Variants in MACROD2 observed in about 807,000 individuals in gnomAD.
MACROD2 encodes mono-ADP ribosylhydrolase 2, also known as ADP-ribose glycohydrolase MACROD2.
Under a neutral mutation model 70.4 loss-of-function variants are expected in MACROD2, and 36 were observed. The ratio of observed to expected loss-of-function variants is 0.51; its 90% CI spans 0.39 to 0.68. The LOEUF (loss-of-function observed/expected upper bound fraction) is 0.68. MACROD2 is among the 30% of genes least tolerant of loss of function. The pLI is 0.00. For missense variants in MACROD2, 496 were observed against 538.4 expected (o/e 0.92, Z 0.78); for synonymous variants, 172 against 178.8 (o/e 0.96, Z 0.30).
At chr20:15,451,089 C>CA (rs1240898602) in intron 7 of MACROD2, among the ~76,000 whole-genome samples, 1 of 152,000 alleles carries the variant, frequency 6.6e-6, no homozygotes, top group Non-Finnish European at 1.5e-5. Context: ...AGTTATTTTG[C>CA]AATAGCTATC....
chr20:14,582,335 G>A (rs568415535), intron 4 of MACROD2, among the ~76,000 whole-genome samples: 3 of 152,030 alleles, frequency 2.0e-5, no homozygotes, highest in Admixed American at 1.3e-4. Flanking sequence ...CTCGAATGCT[G>A]GAAAAGAGCC....
chr20:15,834,687 C>T (rs1052951943), intron 8 of MACROD2, among the ~76,000 whole-genome samples: 2 of 152,162 alleles, frequency 1.3e-5, no homozygotes, highest in Non-Finnish European at 2.9e-5. Flanking sequence ...TGAAGGTTGG[C>T]ACATATTAGA....
chr20:15,321,046 T>C (rs2077869058), intron 6 of MACROD2, among the ~76,000 whole-genome samples: 1 of 152,218 alleles, frequency 6.6e-6, no homozygotes, highest in African/African-American at 2.4e-5. Flanking sequence ...CTCTCTTCTT[T>C]GTGGGTAAGT....
intron 5 of MACROD2, among the ~76,000 whole-genome samples, chr20:14,720,362 A>G (rs567510453): frequency 3.3e-5 from 5 of 152,216 alleles, no homozygotes; most frequent in African/African-American, 1.2e-4. Context: ...TCCCTGACGT[A>G]GTTGGTTTGG....
intron 2 of MACROD2, among the ~76,000 whole-genome samples, chr20:14,022,168 G>T (rs1242758345): frequency 6.6e-6 from 1 of 152,188 alleles, no homozygotes; most frequent in Non-Finnish European, 1.5e-5. Flanking sequence ...GAGCTTCCAT[G>T]TTCTGTTGAA....
intron 8 of MACROD2, among the ~76,000 whole-genome samples, chr20:15,799,871 T>G (rs1047398715): frequency 5.3e-5 from 8 of 152,246 alleles, no homozygotes; most frequent in African/African-American, 1.9e-4. Flanking sequence ...ATGGCTATAC[T>G]AATTTATATT....
At chr20:15,142,140 A>G (rs1365653440) in intron 5 of MACROD2, among the ~76,000 whole-genome samples, 3 of 152,246 alleles carry the variant, frequency 2.0e-5, no homozygotes, top group Non-Finnish European at 4.4e-5. Flanking sequence ...CCTAGAAGGC[A>G]GAAGACATGT....
intron 5 of MACROD2, among the ~76,000 whole-genome samples, chr20:14,705,536 T>A (rs764332251): frequency 2.6e-5 from 4 of 152,118 alleles, no homozygotes; most frequent in Non-Finnish European, 4.4e-5. Flanking sequence ...AGACTTGTGG[T>A]TCTTAGTGAC....
At chr20:16,026,611 C>A (rs1320669702) in intron 15 of MACROD2, among the ~76,000 whole-genome samples, 1 of 152,154 alleles carries the variant, frequency 6.6e-6, no homozygotes, top group African/African-American at 2.4e-5. Flanking sequence ...GTTAGGAGAA[C>A]ATTTGGTCCC....
chr20:15,973,276 G>A (rs186767000), intron 13 of MACROD2, among the ~76,000 whole-genome samples: 3 of 152,126 alleles, frequency 2.0e-5, no homozygotes, highest in East Asian at 1.9e-4. Flanking sequence ...AATGAGGAAG[G>A]GAATGAAGAA....
At chr20:14,127,194 GA>G (rs2054662277) in intron 3 of MACROD2, among the ~76,000 whole-genome samples, 1 of 152,172 alleles carries the variant, frequency 6.6e-6, no homozygotes, top group South Asian at 2.1e-4. Context: ...CTGATATAGA[GA>G]ACGTTTTATT....
chr20:15,040,152 A>G (rs1283607209), intron 5 of MACROD2, among the ~76,000 whole-genome samples: 1 of 152,030 alleles, frequency 6.6e-6, no homozygotes, highest in Non-Finnish European at 1.5e-5. Flanking sequence ...TGTCTCTACT[A>G]AAAATACAAA....
chr20:15,999,611 T>A (rs2066681418), intron 15 of MACROD2, among the ~76,000 whole-genome samples: 1 of 152,236 alleles, frequency 6.6e-6, no homozygotes, highest in Admixed American at 6.5e-5. Context: ...TTATTTCTCC[T>A]CTCAATTCTA....
chr20:14,638,677 G>A (rs1432754315), intron 4 of MACROD2, among the ~76,000 whole-genome samples: 1 of 152,194 alleles, frequency 6.6e-6, no homozygotes, highest in East Asian at 1.9e-4. Context: ...GAGGCTGGGT[G>A]TGGTGGCTCA....
At chr20:15,343,564 T>C (rs1358429491) in intron 6 of MACROD2, among the ~76,000 whole-genome samples, 1 of 152,182 alleles carries the variant, frequency 6.6e-6, no homozygotes, top group African/African-American at 2.4e-5. Context: ...CAATATCAGA[T>C]ACAAGAAAAC....
intron 5 of MACROD2, among the ~76,000 whole-genome samples, chr20:15,045,776 T>A (rs991294463): frequency 6.6e-5 from 9 of 135,702 alleles, no homozygotes; most frequent in Admixed American, 2.5e-4. Context: ...ACTTTTGGAC[T>A]ATCTACACAA....
chr20:15,833,381 C>T (rs541967740), intron 8 of MACROD2, among the ~76,000 whole-genome samples: 7 of 152,098 alleles, frequency 4.6e-5, no homozygotes, highest in Non-Finnish European at 8.8e-5. Flanking sequence ...GGCTTTAAAC[C>T]GCTGCCCTTG....
rs559633471 is a variant in MACROD2 at position 15,095,989 on chromosome 20, A to T, written c.419-133951A>T. ...ATTCACTAAAAGAATTTCTAATATC[A>T]CTAAAATCCTCAGCTGATGTATCAA... On this transcript the variant is annotated intron_variant, in intron 5 of 17. Coordinates refer to ENST00000684519, the MANE Select transcript of MACROD2 (RefSeq NM_001351661.2). 1.9e-3 allele frequency among the ~76,000 whole-genome samples: 291 copies of T among 152,302 alleles called. 1 individual carries two copies. The highest frequency in any genetic ancestry group is 6.6e-3 in the African/African-American group (276 of 41,574).
At chr20:14,141,552 C>A (rs1176122484) in intron 3 of MACROD2, among the ~76,000 whole-genome samples, 1 of 151,724 alleles carries the variant, frequency 6.6e-6, no homozygotes, top group Non-Finnish European at 1.5e-5. Context: ...TCGGGACCGG[C>A]CTGTCCAACA....
Sources: allele counts gnomAD v4.1 joint callset (sites outside exome capture counted in the v4.1 genomes callset), GRCh38; gene constraint gnomAD v4.1.1; transcripts MANE v1.5; gene names NCBI Gene and HGNC (gene_info 2026-07-23, HGNC 2026-07-21).